FBXL7: variants seen among roughly 807,000 people sequenced by gnomAD.
The protein encoded by FBXL7 is F-box and leucine rich repeat protein 7, also known as F-box/LRR-repeat protein 7.
A neutral mutation model predicts 38.3 loss-of-function variants in FBXL7; 12 were observed. The observed-to-expected ratio is 0.31, with a 90% confidence interval of 0.20 to 0.51. The LOEUF (loss-of-function observed/expected upper bound fraction) is 0.51. Ranked by LOEUF, FBXL7 falls within the 20% of genes least tolerant of loss-of-function variation. FBXL7 has a pLI of 0.98. For missense variants in FBXL7, 567 were observed against 676.4 expected, an observed-to-expected ratio of 0.84 and a Z score of 1.79; for synonymous variants, 297 against 300.9, an observed-to-expected ratio of 0.99 and a Z score of 0.13.
intron 1 of FBXL7, among the ~76,000 whole-genome samples, chr5:15,520,970 A>G (rs1242974595): frequency 6.6e-6 from 1 of 152,232 alleles, no homozygotes; most frequent in Non-Finnish European, 1.5e-5. Context: ...GGGGACTAAC[A>G]AGAAGCCCAG....
At position 15,583,499 on chromosome 5, in the gene FBXL7, A is replaced by G. The variant is rs1010243108; in HGVS notation, c.38-32484A>G. Among the ~76,000 whole-genome samples the G allele has an allele frequency of 3.9e-5, 6 of 152,350 alleles. 2 individuals carry two copies. The highest frequency in any genetic ancestry group is 3.9e-4 in the Admixed American group (6 of 15,310). ...TCCAAGATACAATGGGGGTGCAGGC[A>G]TTGGGTAAACATACTGGTTACAAAT... On this transcript the variant is annotated intron_variant, in intron 1 of 3. Coordinates refer to ENST00000504595, the MANE Select transcript of FBXL7 (RefSeq NM_012304.5).
chr5:15,791,031 CCTGTTCT>C (rs1361077335), intron 2 of FBXL7, among the ~76,000 whole-genome samples: 2 of 145,998 alleles, frequency 1.4e-5, no homozygotes, highest in African/African-American at 5.1e-5. Context: ...GCCAGGTACA[CCTGTTCT>C]AGCCTCCTTG....
chr5:15,736,376 G>A (rs968053832), intron 2 of FBXL7, among the ~76,000 whole-genome samples: 2 of 152,122 alleles, frequency 1.3e-5, no homozygotes, highest in African/African-American at 4.8e-5. Context: ...AAGTTCTAGA[G>A]AAATCTACAT....
At chr5:15,896,108 G>A (rs747740765) in intron 2 of FBXL7, among the ~76,000 whole-genome samples, 7 of 148,154 alleles carry the variant, frequency 4.7e-5, no homozygotes, top group Admixed American at 2.0e-4. Context: ...CACTGCAACC[G>A]CTGCCTCCCA....
At position 15,533,944 on chromosome 5, in the gene FBXL7, T is replaced by C. The variant is rs144877231; in HGVS notation, c.37+33231T>C. Among the ~76,000 whole-genome samples, 300 of 152,290 alleles carry C rather than the reference T, an allele frequency of 2.0e-3. 1 individual carries two copies. The highest frequency in any genetic ancestry group is 6.1e-3 in the African/African-American group (254 of 41,556). ...CTAGTTAAAGTGGGAACAGCACCTT[T>C]TTTTCCCCCTTTTTTGTCTCTTTAT... On this transcript the variant is annotated intron_variant, in intron 1 of 3. Coordinates refer to ENST00000504595, the MANE Select transcript of FBXL7 (RefSeq NM_012304.5).
chr5:15,518,507 T>G (rs1195872554), intron 1 of FBXL7, among the ~76,000 whole-genome samples: 1 of 152,120 alleles, frequency 6.6e-6, no homozygotes, highest in Non-Finnish European at 1.5e-5. Context: ...ACGTTTGAAT[T>G]GTGGCTGGGA....
chr5:15,677,078 T>C (rs909364456), intron 2 of FBXL7, among the ~76,000 whole-genome samples: 1 of 152,236 alleles, frequency 6.6e-6, no homozygotes, highest in Non-Finnish European at 1.5e-5. Flanking sequence ...ATCGTTCTTA[T>C]TATCATCAAT....
intron 1 of FBXL7, among the ~76,000 whole-genome samples, chr5:15,543,161 A>C (rs1421093496): frequency 1.3e-5 from 2 of 152,188 alleles, no homozygotes; most frequent in Non-Finnish European, 2.9e-5. Context: ...CCTGAGACTG[A>C]GTAATTTATA....
intron 2 of FBXL7, among the ~76,000 whole-genome samples, chr5:15,888,208 A>C (rs199992518): frequency 3.9e-5 from 2 of 50,746 alleles, no homozygotes. Flanking sequence ...TTATTTATTT[A>C]TTTATTTATT....
At chr5:15,751,219 G>T (rs1736146727) in intron 2 of FBXL7, among the ~76,000 whole-genome samples, 1 of 150,656 alleles carries the variant, frequency 6.6e-6, no homozygotes, top group African/African-American at 2.4e-5. Context: ...CTTGCCTTTT[G>T]TTCCCATAAG....
intron 1 of FBXL7, among the ~76,000 whole-genome samples, chr5:15,612,325 T>G (rs912068469): frequency 6.6e-6 from 1 of 152,192 alleles, no homozygotes; most frequent in African/African-American, 2.4e-5. Context: ...AGAGAAAGCA[T>G]GTAAAGCATT....
At chr5:15,538,094 G>C (rs917470719) in intron 1 of FBXL7, among the ~76,000 whole-genome samples, 3 of 152,140 alleles carry the variant, frequency 2.0e-5, no homozygotes, top group African/African-American at 7.2e-5. Flanking sequence ...GTGGGACTTA[G>C]TTCCTTGAAT....
chr5:15,622,340 G>A (rs137915065), intron 2 of FBXL7, among the ~76,000 whole-genome samples: 2,431 of 151,774 alleles, frequency 0.016, 26 homozygotes, highest in Middle Eastern at 0.045. Flanking sequence ...ACAATGTGCA[G>A]GTTTGTTACA....
intron 2 of FBXL7, among the ~76,000 whole-genome samples, chr5:15,764,476 G>C (rs1423337080): frequency 6.6e-6 from 1 of 152,168 alleles, no homozygotes; most frequent in Non-Finnish European, 1.5e-5. Context: ...AAGGGAAAAG[G>C]AAATGAGGAA....
At chr5:15,801,797 CA>C (rs1401484107) in intron 2 of FBXL7, among the ~76,000 whole-genome samples, 1 of 150,758 alleles carries the variant, frequency 6.6e-6, no homozygotes, top group Non-Finnish European at 1.5e-5. Flanking sequence ...ATTCTAACCC[CA>C]AATAGTCCAC....
intron 2 of FBXL7, among the ~76,000 whole-genome samples, chr5:15,800,534 A>T (rs1312969990): frequency 2.6e-5 from 4 of 152,046 alleles, no homozygotes; most frequent in Non-Finnish European, 2.9e-5. Flanking sequence ...TGTTGATTGA[A>T]CTCCTGCAAG....
intron 2 of FBXL7, among the ~76,000 whole-genome samples, chr5:15,844,809 A>C (rs1450317558): frequency 6.6e-6 from 1 of 152,192 alleles, no homozygotes; most frequent in East Asian, 1.9e-4. Context: ...CCACAGAAAA[A>C]AAAAATGACA....
At chr5:15,742,090 T>G (rs552493962) in intron 2 of FBXL7, among the ~76,000 whole-genome samples, 5 of 152,332 alleles carry the variant, frequency 3.3e-5, no homozygotes, top group South Asian at 4.1e-4. Flanking sequence ...TGGACACTTT[T>G]GGCTGTTTTT....
chr5:15,905,152 C>G (rs1359755946), intron 2 of FBXL7, among the ~76,000 whole-genome samples: 1 of 152,174 alleles, frequency 6.6e-6, no homozygotes, highest in African/African-American at 2.4e-5. Context: ...CTGTTTTAAT[C>G]AACTTTTTAT....
Sources: allele counts gnomAD v4.1 joint callset (sites outside exome capture counted in the v4.1 genomes callset), GRCh38; gene constraint gnomAD v4.1.1; transcripts MANE v1.5; gene names NCBI Gene and HGNC (gene_info 2026-07-23, HGNC 2026-07-21).